The following CIZ1 variants were observed in gnomAD, a reference collection of about 807,000 sequenced individuals.
The protein encoded by CIZ1 is CDKN1A interacting zinc finger protein 1, also known as cip1-interacting zinc finger protein.
CIZ1 carries 58 observed loss-of-function variants against 118.6 expected under a neutral mutation model. That is an observed-to-expected ratio of 0.49 (90% CI 0.40 to 0.61). CIZ1 has a LOEUF of 0.61. CIZ1 is among the 20% of genes least tolerant of loss of function. CIZ1 has a pLI of 0.00. For synonymous variants in CIZ1, 448 were observed against 443.4 expected (o/e 1.01, Z -0.13); for missense variants, 921 against 1,115.9 (o/e 0.83, Z 2.49).
rs760629916 is a variant in CIZ1 at position 128,166,305 on chromosome 9, G to A, written c.2589C>T (p.Ser863=). Residue 863 remains serine, a synonymous_variant, in exon 17 of 17, where the codon AGC becomes AGT. Coordinates refer to ENST00000372938, the MANE Select transcript of CIZ1 (RefSeq NM_001131016.2). This position sits in a 1 kb window ranked among gnomAD's most constrained non-coding sequence, Gnocchi z 4.4. ...TGTTGGGCTGGGAGGGTGGGCGGCC[G>A]CTGGAGGTGAACAGGGCTGTCAAAG... is the stretch of plus-strand genomic sequence containing the variant. The part of the protein sequence containing the change: ...RNALTALFTS[S]GRPPSQPNTQ... 89 of 1,565,994 alleles carry A rather than the reference G, an allele frequency of 5.7e-5. No individual in the cohort carries two copies. The highest frequency in any genetic ancestry group is 6.5e-5 in the Non-Finnish European group (75 of 1,154,330).
Position 128,178,858 on chromosome 9 carries a change from G to A in CIZ1, c.1349C>T (p.Pro450Leu). The part of the protein sequence containing the change: ...QPSVQPQEHP[P>L]AQVSVQPPEQ... ...TGGTGGCTGTACTGACACCTGCGCT[G>A]GAGGATGCTCCTGTGGCTGGACGCT... is the stretch of plus-strand genomic sequence containing the variant. The change falls in exon 8 of 17, where the codon CCA (proline) becomes CTA (leucine). Residue 450 changes from proline to leucine, a missense_variant. Coordinates refer to ENST00000372938, the MANE Select transcript of CIZ1 (RefSeq NM_001131016.2). 2.5e-6 allele frequency: 4 copies of A among 1,614,250 alleles called. No individual in the cohort carries two copies. Among genetic ancestry groups the A allele is most frequent in the Non-Finnish European group, 8.5e-7 (1 of 1,180,042 alleles).
chr9:128,171,249 T>C (rs539074172), intron 11 of CIZ1, among the ~76,000 whole-genome samples: 1 of 149,284 alleles, frequency 6.7e-6, no homozygotes, highest in East Asian at 2.1e-4. Context: ...CTAGGCAACA[T>C]AGTGAGATCT....
intron 11 of CIZ1, among the ~76,000 whole-genome samples, chr9:128,172,693 T>C (rs538032768): frequency 6.6e-6 from 1 of 152,298 alleles, no homozygotes; most frequent in South Asian, 2.1e-4. Context: ...TTTTTAAAGA[T>C]TGTATAAATC....
At position 128,170,071 on chromosome 9, in the gene CIZ1, C is replaced by T. The variant is rs1829946227; in HGVS notation, c.1980G>A (p.Gln660=). ...PPPRRWCNTC[Q]LYYMGDLIQH... ...GGATCAGGTCCCCCATGTAGTAGAGCTGGCAGGTGTTGCACCAGCGCCTTG... is the reference window on the plus strand; with the variant it reads ...GGATCAGGTCCCCCATGTAGTAGAGTTGGCAGGTGTTGCACCAGCGCCTTG... Residue 660 remains glutamine, a synonymous_variant, in exon 12 of 17, where the codon CAG becomes CAA. Transcript: ENST00000372938. 3.1e-6 allele frequency: 5 copies of T among 1,614,042 alleles called. No individual in the cohort carries two copies. The highest frequency in any genetic ancestry group is 4.2e-6 in the Non-Finnish European group (5 of 1,179,988).
At chr9:128,168,372 C>T (rs1248835773) in intron 14 of CIZ1, among the ~76,000 whole-genome samples, 3 of 151,966 alleles carry the variant, frequency 2.0e-5, no homozygotes, top group Admixed American at 6.6e-5. Context: ...AAAAATTAGC[C>T]GGGCGTGGTG....
intron 5 of CIZ1, among the ~76,000 whole-genome samples, chr9:128,181,979 C>A (rs1013901600): frequency 5.8e-4 from 88 of 152,338 alleles, no homozygotes; most frequent in Non-Finnish European, 6.3e-4. Flanking sequence ...TAGTAGTAGT[C>A]AATTAGTGAA....
At chr9:128,198,076 C>G (rs1391038392) in intron 1 of CIZ1, 1 of 152,268 alleles carries the variant, frequency 6.6e-6, no homozygotes, top group Admixed American at 6.5e-5. Flanking sequence ...AGCCCTTCAA[C>G]AGGAGATAAG....
chr9:128,175,203 A>G (rs1830705494), intron 11 of CIZ1, among the ~76,000 whole-genome samples: 1 of 152,124 alleles, frequency 6.6e-6, no homozygotes, highest in Non-Finnish European at 1.5e-5. Context: ...ATTATTATAA[A>G]TTCTCCAGTT....
chr9:128,181,533 C>T (rs1252996669), intron 5 of CIZ1, among the ~76,000 whole-genome samples: 2 of 152,166 alleles, frequency 1.3e-5, no homozygotes, highest in Non-Finnish European at 2.9e-5. Flanking sequence ...ATAATCATAG[C>T]CTAGGAAAAA....
Position 128,169,477 on chromosome 9 carries a change from G to A in CIZ1, c.2074C>T (p.Arg692Cys), listed in dbSNP as rs767617433. 10 of 1,614,034 alleles carry A rather than the reference G, an allele frequency of 6.2e-6. No individual in the cohort carries two copies. Among genetic ancestry groups the A allele is most frequent in the East Asian group, 4.5e-5 (2 of 44,894 alleles). The stretch of plus-strand genomic sequence containing the variant: ...AACTTGCGAGGGGTTTTGAAGTAGC[G>A]GTTGCAAACGGTGCAGAAGGGTCGC... ...SLRPFCTVCN[R>C]YFKTPRKFVE... is the part of the protein sequence containing the mutation. Residue 692 changes from arginine (R) to cysteine (C), a missense_variant, in exon 13 of 17, where the codon CGC becomes TGC. Arg to Cys is a radical substitution (Grantham distance 180). Transcript: ENST00000372938.
intron 5 of CIZ1, among the ~76,000 whole-genome samples, chr9:128,181,131 T>C (rs1564279791): frequency 6.6e-6 from 1 of 152,142 alleles, no homozygotes; most frequent in Non-Finnish European, 1.5e-5. Flanking sequence ...CTTTTTTTTT[T>C]TGAGACAGAA....
In CIZ1 at chr9:128,190,816, C is replaced by G. The variant is rs928665327; in HGVS notation, c.42G>C (p.Gln14His). Residue 14 changes from glutamine to histidine, a missense_variant, in exon 2 of 17, where the codon CAG becomes CAC. By Grantham distance (24) the Gln-to-His change is conservative. Coordinates refer to ENST00000372938, the MANE Select transcript of CIZ1 (RefSeq NM_001131016.2). ...GCTGCTGTAACTGCTGGAGCTGCTG[C>G]TGCTGTTGCTGGAGCTGCTGCTGCT... ...QQQQQQLQQQ[Q>H]QQLQQLQQQQ... The G allele has an allele frequency of 2.6e-6, 4 of 1,538,748 alleles. No homozygotes were observed. The African/African-American group carries it at 5.5e-5, about 21-fold the overall frequency.
chr9:128,174,201 T>C (rs1588147936), intron 11 of CIZ1, among the ~76,000 whole-genome samples: 1 of 152,156 alleles, frequency 6.6e-6, no homozygotes, highest in East Asian at 1.9e-4. Context: ...TGTATTTCCA[T>C]GTGGTTTGGG....
At position 128,178,787 on chromosome 9, in the gene CIZ1, G is replaced by A. The variant is rs778085727; in HGVS notation, c.1420C>T (p.Leu474=). 2 of 1,614,268 alleles carry A rather than the reference G, an allele frequency of 1.2e-6. No homozygotes were observed. The highest frequency in any genetic ancestry group is 1.7e-6 in the Non-Finnish European group (2 of 1,180,048). ...QPHTQPQVSL[L]APEQTPVVVH... Reference sequence around the variant, plus strand: ...ACAACTGGTGTTTGCTCTGGAGCCAGCAACGACACCTGCGGCTGGGTGTGA... The same window carrying A: ...ACAACTGGTGTTTGCTCTGGAGCCAACAACGACACCTGCGGCTGGGTGTGA... The change falls in exon 8 of 17, where the codon CTG becomes TTG. Residue 474 remains leucine (L), a synonymous_variant. Transcript: ENST00000372938.
At chr9:128,180,633 C>G in intron 6 of CIZ1, 88 bp downstream of exon 6, 1 of 1,354,722 alleles carries the variant, frequency 7.4e-7, no homozygotes, top group South Asian at 1.2e-5. Context: ...CCCCTGCCTC[C>G]CACACCTGCC....
At chr9:128,172,317 C>A (rs950463774) in intron 11 of CIZ1, among the ~76,000 whole-genome samples, 10 of 152,052 alleles carry the variant, frequency 6.6e-5, no homozygotes, top group South Asian at 6.2e-4. Context: ...CATGGTGAAA[C>A]CCTGTCTCTA....
chr9:128,196,934 A>G (rs1275528458), intron 1 of CIZ1: 1 of 152,172 alleles, frequency 6.6e-6, no homozygotes, highest in Non-Finnish European at 1.5e-5. Context: ...GCCTTGCAGT[A>G]AGTTAGTTTC....
chr9:128,177,532 C>CCCCCCCCCCCCCCCCTAAA, intron 10 of CIZ1, 34 bp downstream of exon 10: 1 of 1,128,456 alleles, frequency 8.9e-7, no homozygotes, highest in Non-Finnish European at 1.2e-6. Flanking sequence ...ACGCAGGCCC[C>CCCCCCCCCCCCCCCCTAAA]ACCCCTCCCC....
rs890219762 is a variant in CIZ1 at position 128,166,241 on chromosome 9, A to G, written c.2653T>C (p.Ser885Pro). ...GAGCGCCGAGGTAGTGGGGGCTGGG[A>G]GGGTCGAGCCGTCACCTTGCTGGGT... is the stretch of plus-strand genomic sequence containing the variant. ...KTPSKVTARPSQPPLPRRSTR... is the reference protein window; with the variant it reads ...KTPSKVTARPPQPPLPRRSTR... The change falls in exon 17 of 17, where the codon TCC becomes CCC. Residue 885 changes from serine (S) to proline (P), a missense_variant. Ser to Pro is a moderately conservative substitution (Grantham distance 74). Coordinates refer to ENST00000372938, the MANE Select transcript of CIZ1 (RefSeq NM_001131016.2). This position sits in a 1 kb window ranked among gnomAD's most constrained non-coding sequence, Gnocchi z 4.4. The G allele has an allele frequency of 8.1e-7, 1 of 1,234,582 alleles. No homozygotes were observed. Among genetic ancestry groups the G allele is most frequent in the East Asian group, 5.6e-5 (1 of 18,008 alleles). The allele number at this position is 1,234,582 out of a possible 1,614,324, so 76.5% of individuals were successfully genotyped here.
Sources: allele counts gnomAD v4.1 joint callset (sites outside exome capture counted in the v4.1 genomes callset), GRCh38; gene constraint gnomAD v4.1.1; non-coding constraint Gnocchi (gnomAD v3.1); transcripts MANE v1.5; gene names NCBI Gene and HGNC (gene_info 2026-07-23, HGNC 2026-07-21).